The following GRIA1 variants were observed in gnomAD, a reference collection of about 807,000 sequenced individuals.
GRIA1 encodes glutamate ionotropic receptor AMPA type subunit 1.
In GRIA1, 31 loss-of-function variants were observed where a neutral mutation model predicts 99.2. That is an observed-to-expected ratio of 0.31 (90% CI 0.23 to 0.42). The LOEUF is 0.42. Among genes scored for constraint, GRIA1 ranks in the 10% least tolerant of loss-of-function variants. GRIA1 has a pLI of 1.00. For synonymous variants in GRIA1, 438 were observed against 432.4 expected (o/e 1.01, Z -0.16); for missense variants, 782 against 1,157.5 (o/e 0.68, Z 4.71).
chr5:153,679,283 A>C (rs773470376), intron 7 of GRIA1, among the ~76,000 whole-genome samples: 62 of 150,544 alleles, frequency 4.1e-4, no homozygotes, highest in Non-Finnish European at 8.8e-4. Context: ...CAAATAAATA[A>C]ATAAATAAAC....
intron 2 of GRIA1, among the ~76,000 whole-genome samples, chr5:153,507,273 C>A (rs777401767): frequency 6.6e-6 from 1 of 152,098 alleles, no homozygotes; most frequent in Non-Finnish European, 1.5e-5. Context: ...AGTCTTCACA[C>A]CCCTTCCAAG....
intron 13 of GRIA1, among the ~76,000 whole-genome samples, chr5:153,785,650 TC>T (rs368306643): frequency 9.2e-5 from 14 of 152,334 alleles, no homozygotes; most frequent in African/African-American, 3.4e-4. Flanking sequence ...TTCCTTCTTT[TC>T]CCATTGATGA....
intron 8 of GRIA1, among the ~76,000 whole-genome samples, chr5:153,688,541 T>C (rs1049735416): frequency 1.3e-5 from 2 of 152,166 alleles, no homozygotes; most frequent in African/African-American, 4.8e-5. Flanking sequence ...TTACCTGTGT[T>C]AGTGGTTATT....
intron 14 of GRIA1, chr5:153,795,576 G>T: frequency 1.2e-6 from 2 of 1,602,650 alleles, no homozygotes; most frequent in Non-Finnish European, 1.7e-6. Flanking sequence ...TGGAAGCAAG[G>T]ACTCCGGAAG....
At chr5:153,660,456 C>T (rs1421919631) in intron 5 of GRIA1, among the ~76,000 whole-genome samples, 1 of 152,154 alleles carries the variant, frequency 6.6e-6, no homozygotes, top group East Asian at 1.9e-4. Flanking sequence ...TGCACTTCTC[C>T]TCAAGGGCCA....
chr5:153,574,961 A>G (rs187827745), intron 2 of GRIA1, among the ~76,000 whole-genome samples: 14 of 152,296 alleles, frequency 9.2e-5, no homozygotes, highest in African/African-American at 2.9e-4. Context: ...AGAGGGAGAG[A>G]CACCCACAAA....
intron 11 of GRIA1, among the ~76,000 whole-genome samples, chr5:153,743,630 C>T (rs1422084718): frequency 1.3e-5 from 2 of 152,144 alleles, no homozygotes; most frequent in African/African-American, 4.8e-5. Flanking sequence ...CACTTCAAAT[C>T]TCTCTGTCTT....
chr5:153,492,175 C>A (rs886468988), intron 1 of GRIA1: 2 of 1,518,782 alleles, frequency 1.3e-6, no homozygotes, highest in Non-Finnish European at 1.8e-6. Flanking sequence ...GGATGTGGTG[C>A]AATTGATATT....
intron 13 of GRIA1, among the ~76,000 whole-genome samples, chr5:153,792,621 G>T (rs1047273402): frequency 1.3e-5 from 2 of 152,182 alleles, no homozygotes; most frequent in Admixed American, 6.5e-5. Flanking sequence ...CTAGCATTGA[G>T]CCTCTCTCAG....
intron 14 of GRIA1, among the ~76,000 whole-genome samples, chr5:153,801,044 A>C (rs2149670677): frequency 1.3e-5 from 2 of 152,348 alleles, no homozygotes; most frequent in East Asian, 3.9e-4. Flanking sequence ...ATATAAACAA[A>C]GGTGTTAGAG....
At chr5:153,605,082 G>T (rs920549859) in intron 2 of GRIA1, among the ~76,000 whole-genome samples, 1 of 151,946 alleles carries the variant, frequency 6.6e-6, no homozygotes, top group Non-Finnish European at 1.5e-5. Flanking sequence ...AGCTACTAGG[G>T]AGGCTGAGAC....
intron 13 of GRIA1, among the ~76,000 whole-genome samples, chr5:153,775,445 G>T (rs982217583): frequency 1.1e-4 from 17 of 152,212 alleles, no homozygotes; most frequent in Admixed American, 2.6e-4. Flanking sequence ...TTTGTCTTCT[G>T]TCATGTGTCT....
chr5:153,556,072 T>G (rs2149346857), intron 2 of GRIA1, among the ~76,000 whole-genome samples: 1 of 152,340 alleles, frequency 6.6e-6, no homozygotes, highest in African/African-American at 2.4e-5. Context: ...TTTTTCATTT[T>G]CCATTAAGAA....
intron 2 of GRIA1, among the ~76,000 whole-genome samples, chr5:153,559,292 T>G (rs1760917932): frequency 6.6e-6 from 1 of 152,176 alleles, no homozygotes; most frequent in Non-Finnish European, 1.5e-5. Context: ...GCTGCTCTCA[T>G]TTTTGTTCAT....
intron 11 of GRIA1, among the ~76,000 whole-genome samples, chr5:153,745,839 A>G (rs1762122536): frequency 6.6e-6 from 1 of 152,102 alleles, no homozygotes. Flanking sequence ...ATTCTGTTTT[A>G]CAATCTGATT....
chr5:153,706,108 T>TTTTGTGTGTTTGTTTG, intron 11 of GRIA1, 41 bp downstream of exon 11: 2 of 1,349,150 alleles, frequency 1.5e-6, no homozygotes, highest in East Asian at 4.6e-5. Flanking sequence ...AATGCTATGG[T>TTTTGTGTGTTTGTTTG]TTTGTTTGTT....
chr5:153,655,736 A>G, intron 4 of GRIA1, 83 bp from the exon 5 acceptor site: 1 of 1,156,994 alleles, frequency 8.6e-7, no homozygotes, highest in South Asian at 1.2e-5. Flanking sequence ...TAAGCACTCG[A>G]TATCAGCTGC....
At position 153,698,106 on chromosome 5, in the gene GRIA1, C is replaced by T. The variant is rs772173588; in HGVS notation, c.1197C>T (p.Gly399=). 1.6e-5 allele frequency: 26 copies of T among 1,610,482 alleles called. No individual in the cohort carries two copies. Among genetic ancestry groups the T allele is most frequent in the African/African-American group, 6.7e-5 (5 of 74,806 alleles). The change falls in exon 9 of 16, where the codon GGC becomes GGT. Residue 399 remains glycine, a synonymous_variant. Transcript: ENST00000285900. ...VPAATDAQAG[G]DNSSVQNRTY... ...CAGCCACCGATGCCCAAGCTGGGGG[C>T]GATAATTCAAGTGTTCAGAACAGAA...
intron 5 of GRIA1, among the ~76,000 whole-genome samples, chr5:153,666,920 C>T (rs1465434831): frequency 6.6e-6 from 1 of 152,108 alleles, no homozygotes; most frequent in African/African-American, 2.4e-5. Context: ...CCATGACAAC[C>T]CTTCTGGGAC....
Sources: allele counts gnomAD v4.1 joint callset (sites outside exome capture counted in the v4.1 genomes callset), GRCh38; gene constraint gnomAD v4.1.1; transcripts MANE v1.5; gene names NCBI Gene and HGNC (gene_info 2026-07-23, HGNC 2026-07-21).